HERC1: variants seen among roughly 807,000 people sequenced by gnomAD.
The protein encoded by HERC1 is HECT and RLD domain containing E3 ubiquitin protein ligase family member 1.
In HERC1, 160 loss-of-function variants were observed where a neutral mutation model predicts 554.3. The ratio of observed to expected loss-of-function variants is 0.29; its 90% CI spans 0.25 to 0.33. The LOEUF is 0.33. Ranked by LOEUF, HERC1 falls within the 10% of genes least tolerant of loss-of-function variation. The pLI, the probability that HERC1 is intolerant of heterozygous loss-of-function variation, is 1.00. For synonymous variants in HERC1, 2,175 were observed against 2,131.7 expected, an observed-to-expected ratio of 1.02 and a Z score of -0.56; for missense variants, 4,919 against 5,918.5, an observed-to-expected ratio of 0.83 and a Z score of 5.54.
At position 63,651,254 on chromosome 15, in the gene HERC1, A is replaced by G; in HGVS notation, c.10545T>C (p.Asn3515=). 6.2e-7 allele frequency: 1 copy of G among 1,613,784 alleles called. No homozygotes were observed. Among genetic ancestry groups the G allele is most frequent in the Non-Finnish European group, 8.5e-7 (1 of 1,179,794 alleles). The change falls in exon 53 of 78, where the codon AAT becomes AAC. Residue 3515 remains asparagine, a splice_region_variant and synonymous_variant. Coordinates refer to ENST00000443617, the MANE Select transcript of HERC1 (RefSeq NM_003922.4). ...TACTAGTGTTTACATGACTCTTACCATTAACTTGCCAGATATTCACCATCT... is the reference window on the plus strand; with the variant it reads ...TACTAGTGTTTACATGACTCTTACCGTTAACTTGCCAGATATTCACCATCT... ...LEKMVNIWQV[N]GGKGLVDIQP... is the part of the protein sequence containing the mutation.
chr15:63,712,129 T>G (rs2073327508), intron 24 of HERC1, among the ~76,000 whole-genome samples: 1 of 152,206 alleles, frequency 6.6e-6, no homozygotes, highest in South Asian at 2.1e-4. Context: ...TTAAAAGATT[T>G]TGAGTAGAGG....
At chr15:63,798,991 G>A (rs1194851968) in intron 1 of HERC1, among the ~76,000 whole-genome samples, 3 of 152,122 alleles carry the variant, frequency 2.0e-5, no homozygotes, top group African/African-American at 7.2e-5. Context: ...TAAAAAAGAA[G>A]TTGACTTTTT....
In HERC1 at chr15:63,758,409, G is replaced by GT. The variant is rs1221995567; in HGVS notation, c.1027-41dup. 1 of 1,452,830 alleles carries GT rather than the reference G, an allele frequency of 6.9e-7. No individual in the cohort carries two copies. The highest frequency in any genetic ancestry group is 9.4e-7 in the Non-Finnish European group (1 of 1,065,252). The allele number at this position is 1,452,830 out of a possible 1,614,324, so 90.0% of individuals were successfully genotyped here. On this transcript the variant is annotated intron_variant, in intron 3 of 77. Transcript: ENST00000443617. The surrounding 1 kb of genome is among the most constrained non-coding windows in gnomAD (Gnocchi z 4.0). Reference sequence around the variant, plus strand: ...AAATATGCAACAAATAGTCAAGACAGTTTTAGTCTGGGCATTTTTTATACA... The same window carrying GT: ...AAATATGCAACAAATAGTCAAGACAGTTTTTAGTCTGGGCATTTTTTATACA...
chr15:63,815,225 T>A (rs1386969277), intron 1 of HERC1, among the ~76,000 whole-genome samples: 1 of 152,188 alleles, frequency 6.6e-6, no homozygotes, highest in African/African-American at 2.4e-5. Context: ...CAAAAAGACT[T>A]TAAATCCCCT....
intron 25 of HERC1, among the ~76,000 whole-genome samples, chr15:63,699,856 T>C (rs905717480): frequency 6.6e-6 from 1 of 152,210 alleles, no homozygotes; most frequent in Non-Finnish European, 1.5e-5. Context: ...TATATAAATG[T>C]CCAATTCTTA....
chr15:63,774,253 T>C (rs1015127155), intron 2 of HERC1, among the ~76,000 whole-genome samples: 10 of 152,212 alleles, frequency 6.6e-5, no homozygotes, highest in Non-Finnish European at 1.5e-4. Context: ...GTTAGCTCCA[T>C]GGGGGTGGAA....
chr15:63,808,732 T>G (rs1037968667), intron 1 of HERC1, among the ~76,000 whole-genome samples: 30 of 152,168 alleles, frequency 2.0e-4, no homozygotes, highest in African/African-American at 7.0e-4. Flanking sequence ...ACAAATACCT[T>G]AATTTGCAGC....
intron 76 of HERC1, among the ~76,000 whole-genome samples, chr15:63,613,939 C>T (rs910306353): frequency 2.0e-5 from 3 of 152,040 alleles, no homozygotes; most frequent in East Asian, 3.8e-4. Flanking sequence ...GTCTGCCAAA[C>T]GAAAACAAAA....
intron 25 of HERC1, among the ~76,000 whole-genome samples, chr15:63,704,883 C>G (rs935550323): frequency 6.6e-6 from 1 of 151,728 alleles, no homozygotes; most frequent in Non-Finnish European, 1.5e-5. Context: ...GGACTACAGG[C>G]GCCCACCACC....
At chr15:63,716,266 C>T (rs754529098) in intron 22 of HERC1, 36 bp downstream of exon 22, 2 of 1,561,386 alleles carry the variant, frequency 1.3e-6, no homozygotes, top group Non-Finnish European at 1.7e-6. Flanking sequence ...AAGCATGCCA[C>T]AGTTTGTATC....
chr15:63,787,057 G>A (rs574299067), intron 1 of HERC1, among the ~76,000 whole-genome samples: 13 of 152,056 alleles, frequency 8.5e-5, no homozygotes, highest in African/African-American at 3.1e-4. Flanking sequence ...GGCCAGGCTG[G>A]TCTTGAAGTC....
chr15:63,613,405 C>G (rs374154519), intron 76 of HERC1, among the ~76,000 whole-genome samples: 1 of 152,102 alleles, frequency 6.6e-6, no homozygotes, highest in African/African-American at 2.4e-5. Flanking sequence ...CAATATTATA[C>G]AGTAGTGCAT....
chr15:63,780,107 T>G (rs188080963), intron 1 of HERC1: 48 of 152,254 alleles, frequency 3.2e-4, no homozygotes, highest in Admixed American at 3.0e-3. Flanking sequence ...ATTAGATTTA[T>G]GTACTTTCAG....
intron 64 of HERC1, among the ~76,000 whole-genome samples, chr15:63,636,352 C>A (rs767962737): frequency 2.0e-5 from 3 of 150,542 alleles, no homozygotes; most frequent in Non-Finnish European, 3.0e-5. Flanking sequence ...CTCACTGCAA[C>A]CTCCACCTCC....
chr15:63,675,691 A>G (rs940689264), intron 37 of HERC1, among the ~76,000 whole-genome samples: 12 of 152,332 alleles, frequency 7.9e-5, no homozygotes, highest in Admixed American at 2.6e-4. Flanking sequence ...AGTTTAAGCC[A>G]AAATATAATT....
At chr15:63,667,209 G>C (rs2070688501) in intron 40 of HERC1, among the ~76,000 whole-genome samples, 1 of 152,180 alleles carries the variant, frequency 6.6e-6, no homozygotes, top group Non-Finnish European at 1.5e-5. Context: ...ACAGCATACT[G>C]ATCAGATGAT....
intron 69 of HERC1, 138 bp from the exon 70 acceptor site, chr15:63,628,953 C>A (rs200536301): frequency 1.9e-6 from 1 of 530,272 alleles, no homozygotes; most frequent in Non-Finnish European, 3.2e-6. Flanking sequence ...AAAACACATT[C>A]TTTTTTTTTT....
intron 21 of HERC1, among the ~76,000 whole-genome samples, chr15:63,717,620 G>A (rs572002940): frequency 4.6e-5 from 7 of 152,294 alleles, no homozygotes; most frequent in African/African-American, 1.2e-4. Flanking sequence ...TTGGGAGGCC[G>A]AGGTGGGTGG....
rs1367745403 is a variant in HERC1 at position 63,734,832 on chromosome 15, T to C, written c.2538A>G (p.Leu846=). 1.2e-6 allele frequency: 2 copies of C among 1,611,012 alleles called. No homozygotes were observed. The highest frequency in any genetic ancestry group is 1.3e-5 in the African/African-American group (1 of 74,788). ...GTAACAGCATGGTTGCTCCCACTGA[T>C]AAAGTTTCAATTACCACCTAATATC... The part of the protein sequence containing the change: ...DEIQEVVIET[L]SVGATMLLPP... Residue 846 remains leucine, a synonymous_variant, in exon 13 of 78, where the codon TTA becomes TTG. Coordinates refer to ENST00000443617, the MANE Select transcript of HERC1 (RefSeq NM_003922.4). The surrounding 1 kb of genome is among the most constrained non-coding windows in gnomAD (Gnocchi z 4.6).
Sources: allele counts gnomAD v4.1 joint callset (sites outside exome capture counted in the v4.1 genomes callset), GRCh38; gene constraint gnomAD v4.1.1; non-coding constraint Gnocchi (gnomAD v3.1); transcripts MANE v1.5; gene names NCBI Gene and HGNC (gene_info 2026-07-23, HGNC 2026-07-21).